The following MYO5B variants were observed in gnomAD, a reference collection of about 807,000 sequenced individuals.
MYO5B encodes unconventional myosin-Vb.
A neutral mutation model predicts 229.3 loss-of-function variants in MYO5B; 143 were observed. That is an observed-to-expected ratio of 0.62 (90% CI 0.54 to 0.72). The LOEUF (loss-of-function observed/expected upper bound fraction) is 0.72, where lower values mean the gene tolerates loss of function less well. Among genes scored for constraint, MYO5B ranks in the 30% least tolerant of loss-of-function variants. The pLI is 0.00. For synonymous variants in MYO5B, 918 were observed against 885.2 expected, an observed-to-expected ratio of 1.04 and a Z score of -0.66; for missense variants, 2,321 against 2,331.0, an observed-to-expected ratio of 1.00 and a Z score of 0.09.
chr18:49,960,068 G>GCTCC (rs771171365), intron 12 of MYO5B, among the ~76,000 whole-genome samples: 23 of 152,092 alleles, frequency 1.5e-4, no homozygotes, highest in Non-Finnish European at 2.4e-4. Flanking sequence ...CCTGGGGAGT[G>GCTCC]CTCCCTGCAC....
At chr18:49,849,739 G>T in intron 31 of MYO5B, 79 bp from the exon 32 acceptor site, 1 of 1,114,368 alleles carries the variant, frequency 9.0e-7, no homozygotes, top group South Asian at 1.2e-5. Context: ...CTTGCAGTTG[G>T]AGGTGACCAG....
At chr18:50,132,243 T>A (rs1470455959) in intron 1 of MYO5B, among the ~76,000 whole-genome samples, 2 of 152,170 alleles carry the variant, frequency 1.3e-5, no homozygotes, top group South Asian at 4.1e-4. Flanking sequence ...TTTAAGAACA[T>A]TTGGGCATGG....
intron 33 of MYO5B, among the ~76,000 whole-genome samples, chr18:49,845,520 C>G (rs994393496): frequency 1.3e-5 from 2 of 152,216 alleles, no homozygotes; most frequent in African/African-American, 4.8e-5. Flanking sequence ...GCTACCACTC[C>G]TTTGAAAGCC....
chr18:49,979,240 A>G (rs764072305), intron 9 of MYO5B, among the ~76,000 whole-genome samples: 1 of 152,170 alleles, frequency 6.6e-6, no homozygotes, highest in Admixed American at 6.5e-5. Flanking sequence ...TATAAGCAGC[A>G]GATGTCCAAA....
At chr18:50,015,245 AC>A (rs1418934343) in intron 4 of MYO5B, among the ~76,000 whole-genome samples, 19 of 152,260 alleles carry the variant, frequency 1.2e-4, no homozygotes, top group Admixed American at 1.2e-3. Flanking sequence ...AGGGAAATGA[AC>A]CCCTCTGACC....
chr18:50,151,802 G>T (rs2032603274), intron 1 of MYO5B, among the ~76,000 whole-genome samples: 1 of 152,098 alleles, frequency 6.6e-6, no homozygotes, highest in Admixed American at 6.5e-5. Flanking sequence ...GAGTGAGGAT[G>T]AGTTCTCTGA....
chr18:49,905,978 G>A (rs1282754240), intron 19 of MYO5B, among the ~76,000 whole-genome samples: 1 of 152,162 alleles, frequency 6.6e-6, no homozygotes, highest in Non-Finnish European at 1.5e-5. Flanking sequence ...CTCGCAAAAG[G>A]GGCCTCCCAG....
chr18:49,914,734 C>CT (rs2024993552), intron 17 of MYO5B, among the ~76,000 whole-genome samples: 1 of 142,274 alleles, frequency 7.0e-6, no homozygotes. Flanking sequence ...GAGCCGAGAT[C>CT]ATGCCACTGC....
At position 50,001,448 on chromosome 18, in the gene MYO5B, G is replaced by A. The variant is rs1255977488; in HGVS notation, c.456-37C>T. ...AAAGCTCTGATAAGTCATTGGCCAT[G>A]GAAAGGCTCTGCTACCGTCCAGGGA... is the stretch of plus-strand genomic sequence containing the variant. On this transcript the variant is annotated intron_variant, in intron 4 of 39. Coordinates refer to ENST00000285039, the MANE Select transcript of MYO5B (RefSeq NM_001080467.3). The A allele has an allele frequency of 1.9e-6, 3 of 1,611,968 alleles. No homozygotes were observed. The African/African-American group carries it at 4.0e-5, about 22-fold the overall frequency.
At chr18:50,068,774 A>G (rs2030883246) in intron 1 of MYO5B, among the ~76,000 whole-genome samples, 1 of 152,214 alleles carries the variant, frequency 6.6e-6, no homozygotes, top group Admixed American at 6.5e-5. Flanking sequence ...GGCATTGGAC[A>G]AATCATTCAC....
At chr18:49,944,097 TG>T (rs1045119701) in intron 14 of MYO5B, among the ~76,000 whole-genome samples, 18 of 152,140 alleles carry the variant, frequency 1.2e-4, no homozygotes, top group Admixed American at 9.2e-4. Flanking sequence ...CTAAGAGCAA[TG>T]GGAAGCCATT....
At chr18:49,974,798 G>GACACACAGACACAC (rs1460518712) in intron 9 of MYO5B, among the ~76,000 whole-genome samples, 183 bp from the exon 10 acceptor site, 1 of 130,996 alleles carries the variant, frequency 7.6e-6, no homozygotes, top group Non-Finnish European at 1.6e-5. Flanking sequence ...CACACACACA[G>GACACACAGACACAC]ACACACACAC....
chr18:49,853,770 A>G, intron 30 of MYO5B, 123 bp from the exon 31 acceptor site: 1 of 865,658 alleles, frequency 1.2e-6, no homozygotes, highest in East Asian at 2.7e-5. Flanking sequence ...CACATCCCCC[A>G]GAGGGATGAA....
chr18:50,156,241 A>G (rs2032676576), intron 1 of MYO5B, among the ~76,000 whole-genome samples: 1 of 152,228 alleles, frequency 6.6e-6, no homozygotes, highest in Admixed American at 6.5e-5. Context: ...TCATCTACAG[A>G]ACAAGTACAG....
intron 1 of MYO5B, among the ~76,000 whole-genome samples, chr18:50,112,815 G>T (rs1175740223): frequency 6.6e-6 from 1 of 152,158 alleles, no homozygotes; most frequent in African/African-American, 2.4e-5. Flanking sequence ...TTTCAGCAGT[G>T]TAACATCCAG....
At chr18:50,120,531 G>A (rs2032040719) in intron 1 of MYO5B, among the ~76,000 whole-genome samples, 1 of 152,198 alleles carries the variant, frequency 6.6e-6, no homozygotes, top group African/African-American at 2.4e-5. Context: ...AGAGCCACTA[G>A]GAGCATTTGT....
At chr18:50,180,068 G>A (rs1361423597) in intron 1 of MYO5B, among the ~76,000 whole-genome samples, 2 of 152,184 alleles carry the variant, frequency 1.3e-5, no homozygotes, top group Non-Finnish European at 1.5e-5. Flanking sequence ...GATTCCTAAG[G>A]GCCTTCTCCA....
At position 49,911,986 on chromosome 18, in the gene MYO5B, G is replaced by A; in HGVS notation, c.2202+76C>T. On this transcript the variant is annotated intron_variant, in intron 18 of 39. Transcript: ENST00000285039. ...GAAGGATGAAGACCAAAAAAAAAAT[G>A]TAGATAACGACGCCACCCCCTCAAT... 4 of 1,063,886 alleles carry A rather than the reference G, an allele frequency of 3.8e-6. No individual in the cohort carries two copies. The South Asian group carries it at 5.0e-5, about 13-fold the overall frequency. 65.9% of individuals were successfully genotyped at this position (1,063,886 alleles called of 1,614,324 possible).
chr18:49,969,532 C>T (rs185844463), intron 10 of MYO5B, among the ~76,000 whole-genome samples: 4 of 152,286 alleles, frequency 2.6e-5, no homozygotes, highest in South Asian at 2.1e-4. Flanking sequence ...CACACTGTGG[C>T]GTGTACTTTC....
Sources: gnomAD v4.1 joint callset for allele counts (sites outside exome capture counted in the v4.1 genomes callset) on GRCh38, gnomAD v4.1.1 for gene constraint, MANE v1.5 for transcripts, NCBI Gene and HGNC (gene_info 2026-07-23, HGNC 2026-07-21) for gene names.